NUDT4: variants seen among roughly 807,000 people sequenced by gnomAD.
The protein encoded by NUDT4 is nudix hydrolase 4.
In NUDT4, 5 loss-of-function variants were observed where a neutral mutation model predicts 23.1. The ratio of observed to expected loss-of-function variants is 0.22; its 90% CI spans 0.11 to 0.46. NUDT4 has a LOEUF of 0.46. NUDT4 is among the 20% of genes least tolerant of loss of function. The pLI, the probability that NUDT4 is intolerant of heterozygous loss-of-function variation, is 0.99. For synonymous variants in NUDT4, 50 were observed against 79.0 expected, an observed-to-expected ratio of 0.63 and a Z score of 1.95; for missense variants, 96 against 211.6, an observed-to-expected ratio of 0.45 and a Z score of 3.39.
chr12:93,395,390 A>G (rs1876863307), intron 2 of NUDT4, 99 bp from the exon 3 acceptor site: 2 of 839,260 alleles, frequency 2.4e-6, no homozygotes, highest in Non-Finnish European at 2.0e-6. Context: ...GGGGTATTGT[A>G]TTTAATTAGA....
intron 1 of NUDT4, among the ~76,000 whole-genome samples, chr12:93,379,579 T>C (rs945719082): frequency 2.7e-5 from 4 of 148,264 alleles, no homozygotes; most frequent in Non-Finnish European, 4.5e-5. Flanking sequence ...TTGTTTTGCC[T>C]TTATTTTTTT....
At chr12:93,395,060 A>G (rs1214337864) in intron 2 of NUDT4, among the ~76,000 whole-genome samples, 2 of 151,662 alleles carry the variant, frequency 1.3e-5, no homozygotes, top group African/African-American at 2.4e-5. Context: ...TGTTGGCCAG[A>G]CTGGTCTCAA....
intron 2 of NUDT4, 74 bp downstream of exon 2, chr12:93,394,793 A>G (rs899860477): frequency 1.2e-5 from 10 of 856,956 alleles, no homozygotes; most frequent in Non-Finnish European, 1.2e-5. Context: ...ACACTAAGAC[A>G]GCGAGACGGG....
chr12:93,377,926 G>A lies in NUDT4; in HGVS notation c.-397G>A. On this transcript the variant is annotated 5_prime_UTR_variant, in exon 1 of 5. Transcript: ENST00000415493. ...AACAGAGCAGAGGGGGCGGCGCGCG[G>A]TCGCCGCGGTGCTGCTGCTCAGTGG... The A allele has an allele frequency of 3.2e-6, 1 of 310,100 alleles. No homozygotes were observed. The highest frequency in any genetic ancestry group is 8.8e-5 in the East Asian group (1 of 11,332). 19.2% of individuals were successfully genotyped at this position (310,100 alleles called of 1,614,324 possible).
At chr12:93,398,090 C>T (rs1055916887) in intron 3 of NUDT4, among the ~76,000 whole-genome samples, 12 of 152,038 alleles carry the variant, frequency 7.9e-5, no homozygotes, top group Admixed American at 7.9e-4. Context: ...CACCTGTAAT[C>T]CCAGCACTTT....
At chr12:93,382,853 G>A (rs547372952) in intron 1 of NUDT4, among the ~76,000 whole-genome samples, 30 of 151,926 alleles carry the variant, frequency 2.0e-4, no homozygotes, top group Non-Finnish European at 3.1e-4. Context: ...AGTAGAGAAG[G>A]GGTTTCACTG....
intron 1 of NUDT4, among the ~76,000 whole-genome samples, chr12:93,388,730 C>A (rs1418237222): frequency 6.6e-6 from 1 of 152,154 alleles, no homozygotes; most frequent in African/African-American, 2.4e-5. Flanking sequence ...GGATAAATAA[C>A]TAACAGTTAC....
intron 1 of NUDT4, among the ~76,000 whole-genome samples, chr12:93,386,483 C>T (rs1051173584): frequency 6.6e-5 from 10 of 151,792 alleles, no homozygotes; most frequent in South Asian, 2.1e-4. Flanking sequence ...AGGAGGCTTA[C>T]GCACGAGAAT....
At chr12:93,381,136 C>G (rs1335117046) in intron 1 of NUDT4, 1 of 152,126 alleles carries the variant, frequency 6.6e-6, no homozygotes, top group Non-Finnish European at 1.5e-5. Context: ...TCCATTTTAT[C>G]TTTTTCTGTT....
intron 1 of NUDT4, among the ~76,000 whole-genome samples, chr12:93,386,016 G>C (rs9919798): frequency 0.28 from 39,928 of 142,326 alleles, 6,116 homozygotes; most frequent in East Asian, 0.6. Context: ...ACTTCTGTTA[G>C]CCAGGCTGGA....
At chr12:93,383,456 A>G (rs1294400395) in intron 1 of NUDT4, among the ~76,000 whole-genome samples, 2 of 141,038 alleles carry the variant, frequency 1.4e-5, no homozygotes, top group Non-Finnish European at 3.1e-5. Flanking sequence ...TAAGTGTAGT[A>G]GAATTAGGTT....
At position 93,399,501 on chromosome 12, in the gene NUDT4, A is replaced by G. The variant is rs569770913; in HGVS notation, c.*122A>G. ...CTGAATTTGCCATGCAAGGTTTTCA[A>G]ACAATTTGCATGTTTTTCAGATGCT... On this transcript the variant is annotated 3_prime_UTR_variant, in exon 5 of 5. Coordinates refer to ENST00000415493, the MANE Select transcript of NUDT4 (RefSeq NM_019094.6). 7 of 447,532 alleles carry G rather than the reference A, an allele frequency of 1.6e-5. No homozygotes were observed. Among genetic ancestry groups the G allele is most frequent in the East Asian group, 3.3e-5 (1 of 30,670 alleles). 27.7% of individuals were successfully genotyped at this position (447,532 alleles called of 1,614,324 possible). A position where few individuals can be genotyped will look rare whatever the true frequency, so the allele number is the denominator to read the frequency against.
intron 2 of NUDT4, 45 bp downstream of exon 2, chr12:93,394,764 C>T (rs528292681): frequency 8.0e-6 from 10 of 1,254,732 alleles, no homozygotes; most frequent in Non-Finnish European, 1.0e-5. Flanking sequence ...GTTTTAAAAA[C>T]AAGGCCCTTT....
intron 1 of NUDT4, 56 bp downstream of exon 1, chr12:93,378,477 G>T: frequency 6.9e-7 from 1 of 1,452,570 alleles, no homozygotes; most frequent in South Asian, 1.3e-5. Context: ...TAGGGCCCGG[G>T]TGCTTCCCCT....
rs964998408 is a variant in NUDT4, at chr12:93,378,294, A to T, written c.-29A>T. The T allele has an allele frequency of 1.0e-5, 11 of 1,095,832 alleles. No homozygotes were observed. The highest frequency in any genetic ancestry group is 1.4e-5 in the Non-Finnish European group (11 of 804,082). The allele number at this position is 1,095,832 out of a possible 1,614,324, so 67.9% of individuals were successfully genotyped here. A position where few individuals can be genotyped will look rare whatever the true frequency, so the allele number is the denominator to read the frequency against. On this transcript the variant is annotated 5_prime_UTR_variant, in exon 1 of 5. Coordinates refer to ENST00000415493, the MANE Select transcript of NUDT4 (RefSeq NM_019094.6). ...GGGCCCCCACGGCGGCGGCCGGAGC[A>T]GCAGCAGCAGCAGCAGGAGCCCGCC...
At chr12:93,398,018 C>T (rs1592728659) in intron 3 of NUDT4, among the ~76,000 whole-genome samples, 1 of 151,980 alleles carries the variant, frequency 6.6e-6, no homozygotes, top group Non-Finnish European at 1.5e-5. Flanking sequence ...AATAAGATTG[C>T]ATTCAACTCT....
chr12:93,383,058 G>A (rs979350956), intron 1 of NUDT4, among the ~76,000 whole-genome samples: 4 of 128,848 alleles, frequency 3.1e-5, no homozygotes, highest in Non-Finnish European at 6.9e-5. Context: ...AGGCATTAAC[G>A]TAGAATTTGC....
rs1877428163 is a variant in NUDT4 at position 93,401,585 on chromosome 12, T to TA, written c.*2209dup. Reference sequence around the variant, plus strand: ...ACAGTATTAACGTCAACCATCTCTTTAAAGTTAGCCTATAAATATTGTTGT... The same window carrying TA: ...ACAGTATTAACGTCAACCATCTCTTTAAAAGTTAGCCTATAAATATTGTTGT... On this transcript the variant is annotated 3_prime_UTR_variant, in exon 5 of 5. Transcript: ENST00000415493. The TA allele has an allele frequency of 6.5e-6, 1 of 152,672 alleles. No homozygotes were observed. Among genetic ancestry groups the TA allele is most frequent in the African/African-American group, 2.4e-5 (1 of 41,484 alleles). 9.5% of individuals were successfully genotyped at this position (152,672 alleles called of 1,614,324 possible). A position where few individuals can be genotyped will look rare whatever the true frequency, so the allele number is the denominator to read the frequency against.
intron 1 of NUDT4, chr12:93,378,892 A>G: frequency 1.7e-6 from 1 of 598,872 alleles, no homozygotes; most frequent in South Asian, 7.3e-5. Flanking sequence ...TTGTGGAGTA[A>G]CAGACAGTCC....
Sources: gnomAD v4.1 joint callset for allele counts (sites outside exome capture counted in the v4.1 genomes callset) on GRCh38, gnomAD v4.1.1 for gene constraint, MANE v1.5 for transcripts, NCBI Gene and HGNC (gene_info 2026-07-23, HGNC 2026-07-21) for gene names.